Variants in SMARCD1 observed in about 807,000 individuals in gnomAD.
The protein encoded by SMARCD1 is SWI/SNF-related matrix-associated actin-dependent regulator of chromatin subfamily D member 1.
Under a neutral mutation model 70.8 loss-of-function variants are expected in SMARCD1, and 16 were observed. The ratio of observed to expected loss-of-function variants is 0.23; its 90% CI spans 0.15 to 0.34. The LOEUF is 0.34. SMARCD1 is among the 10% of genes least tolerant of loss of function. The pLI is 1.00. For missense variants in SMARCD1, 409 were observed against 655.5 expected, an observed-to-expected ratio of 0.62 and a Z score of 4.11; for synonymous variants, 249 against 246.0, an observed-to-expected ratio of 1.01 and a Z score of -0.11.
In SMARCD1 at chr12:50,099,218, T is replaced by G. The variant is rs186146463; in HGVS notation, c.*218T>G. ...CCAGCTTCCCTTTGCCCCACAAAGT[T>G]CCCATGTGCCTGTACCCTCCCCTGG... On this transcript the variant is annotated 3_prime_UTR_variant, in exon 13 of 13. Coordinates refer to ENST00000394963, the MANE Select transcript of SMARCD1 (RefSeq NM_003076.5). The G allele has an allele frequency of 6.4e-3, 3,946 of 617,476 alleles. 26 individuals carry two copies. The highest frequency in any genetic ancestry group is 9.9e-3 in the Non-Finnish European group (3,449 of 346,684). The allele number at this position is 617,476 out of a possible 1,614,324, so 38.2% of individuals were successfully genotyped here.
chr12:50,087,598 G>A, intron 5 of SMARCD1, 113 bp downstream of exon 5: 1 of 1,251,282 alleles, frequency 8.0e-7, no homozygotes, highest in Non-Finnish European at 1.1e-6. Flanking sequence ...TTTGGGAGCA[G>A]TAAGGAGAGG....
At position 50,091,699 on chromosome 12, in the gene SMARCD1, C is replaced by G. The variant is rs533144216; in HGVS notation, c.1133+1109C>G. ...TCAAGCAATTCTCCCTCCCCAGCCT[C>G]CCACGTCGCTGGGATTACAGGCACC... On this transcript the variant is annotated intron_variant, in intron 9 of 12. Coordinates refer to ENST00000394963, the MANE Select transcript of SMARCD1 (RefSeq NM_003076.5). Among the ~76,000 whole-genome samples, 16 of 152,308 alleles carry G rather than the reference C, an allele frequency of 1.1e-4. No homozygotes were observed. The South Asian group carries it at 2.1e-3, about 20-fold the overall frequency.
At chr12:50,086,109 T>C (rs1414294036) in intron 1 of SMARCD1, 52 bp from the exon 2 acceptor site, 1 of 1,327,606 alleles carries the variant, frequency 7.5e-7, no homozygotes, top group African/African-American at 1.5e-5. Flanking sequence ...TCTTTCTTGA[T>C]GGGGTTTAGC....
intron 5 of SMARCD1, 67 bp downstream of exon 5, chr12:50,087,552 G>A: frequency 6.4e-7 from 1 of 1,570,726 alleles, no homozygotes; most frequent in Non-Finnish European, 8.7e-7. Context: ...AGTGTTGTCT[G>A]GTCAGCAGGA....
At position 50,089,880 on chromosome 12, in the gene SMARCD1, G is replaced by A; in HGVS notation, c.772-4G>A. ...AGCACCCCCTGACATCTTCCTCTCT[G>A]TAGTGGCACAGGACCGCCACTACCC... On this transcript the variant is annotated splice_region_variant and splice_polypyrimidine_tract_variant and intron_variant, in intron 6 of 12. Coordinates refer to ENST00000394963, the MANE Select transcript of SMARCD1 (RefSeq NM_003076.5). 6.2e-7 allele frequency: 1 copy of A among 1,609,222 alleles called. No individual in the cohort carries two copies. The highest frequency in any genetic ancestry group is 8.5e-7 in the Non-Finnish European group (1 of 1,176,706).
chr12:50,097,365 A>C (rs61498194), intron 11 of SMARCD1, among the ~76,000 whole-genome samples: 5,223 of 152,146 alleles, frequency 0.034, 294 homozygotes, highest in African/African-American at 0.12. Flanking sequence ...AGCCTGGCCA[A>C]CATGGCGAAA....
At chr12:50,093,864 C>T (rs1376875157) in intron 9 of SMARCD1, among the ~76,000 whole-genome samples, 1 of 152,150 alleles carries the variant, frequency 6.6e-6, no homozygotes, top group Non-Finnish European at 1.5e-5. Flanking sequence ...ACTATATCCT[C>T]TGCCTCCCGG....
At chr12:50,091,486 G>A (rs1222205435) in intron 9 of SMARCD1, among the ~76,000 whole-genome samples, 1 of 151,368 alleles carries the variant, frequency 6.6e-6, no homozygotes, top group Admixed American at 6.6e-5. Flanking sequence ...TGTTGGTCAG[G>A]CTGGTCTTGA....
Position 50,086,872 on chromosome 12 carries a change from C to T in SMARCD1, c.525C>T (p.Pro175=). 6.2e-7 allele frequency: 1 copy of T among 1,614,094 alleles called. No individual in the cohort carries two copies. Among genetic ancestry groups the T allele is most frequent in the Non-Finnish European group, 8.5e-7 (1 of 1,179,998 alleles). ...ATATCCAAGAGGCCTTGAAACGTCC[C>T]ATCAAGGTAACACAGGAAAGTACTA... ...RLDIQEALKR[P]IKQKRKLRIF... is the part of the protein sequence containing the mutation. The change falls in exon 4 of 13, where the codon CCC becomes CCT. Residue 175 remains proline, a synonymous_variant. Coordinates refer to ENST00000394963, the MANE Select transcript of SMARCD1 (RefSeq NM_003076.5).
In SMARCD1 at chr12:50,087,504, A is replaced by T; in HGVS notation, c.654+19A>T. ...GGAGGATGTGAGTTCAAGGTCCACA[A>T]TGGTTGGCATCTAGGGTGGGAGCTG... is the stretch of plus-strand genomic sequence containing the variant. On this transcript the variant is annotated intron_variant, in intron 5 of 12. Transcript: ENST00000394963. The T allele has an allele frequency of 6.2e-7, 1 of 1,612,100 alleles. No individual in the cohort carries two copies.
intron 9 of SMARCD1, among the ~76,000 whole-genome samples, chr12:50,091,078 G>A (rs1028649066): frequency 2.6e-5 from 4 of 151,958 alleles, no homozygotes; most frequent in Non-Finnish European, 5.9e-5. Flanking sequence ...GCCGAGCCTC[G>A]TGATCTGCCC....
chr12:50,090,400 CAGGT>C lies in SMARCD1; in HGVS notation c.1035_1035+3del. The C allele has an allele frequency of 6.2e-7, 1 of 1,613,876 alleles. No individual in the cohort carries two copies. Among genetic ancestry groups the C allele is most frequent in the Non-Finnish European group, 8.5e-7 (1 of 1,179,868 alleles). ...TGTCATCTGTGACAAGTACCTGCAGCAGGTAAGTAATGGACCCATTCTTTTGCTA... is the reference window on the plus strand; with the variant it reads ...TGTCATCTGTGACAAGTACCTGCAGCAAGTAATGGACCCATTCTTTTGCTA... On this transcript the variant is annotated splice_donor_variant and coding_sequence_variant, in exon 8 of 13. Coordinates refer to ENST00000394963, the MANE Select transcript of SMARCD1 (RefSeq NM_003076.5). LOFTEE classifies it high-confidence loss of function.
intron 4 of SMARCD1, 92 bp downstream of exon 4, chr12:50,086,970 C>T: frequency 7.8e-7 from 1 of 1,288,334 alleles, no homozygotes; most frequent in Non-Finnish European, 1.1e-6. Flanking sequence ...CACAGCACAA[C>T]TCTCCTTGGC....
chr12:50,089,499 A>G (rs1445243924), intron 6 of SMARCD1: 1 of 170,688 alleles, frequency 5.9e-6, no homozygotes, highest in African/African-American at 2.4e-5. Context: ...CATCTGTAAA[A>G]TAAGTATAAT....
chr12:50,088,550 A>G lies in SMARCD1; in HGVS notation c.684A>G (p.Lys228=), dbSNP rs764489366. ...CCTTGTCCAAATATGATGCCACTAA[A>G]CAAAAGAGGAAGTTCTCTTCCTTTT... ...DSALSKYDAT[K]QKRKFSSFFK... The change falls in exon 6 of 13, where the codon AAA becomes AAG. Residue 228 remains lysine, a synonymous_variant. Coordinates refer to ENST00000394963, the MANE Select transcript of SMARCD1 (RefSeq NM_003076.5). 2.5e-6 allele frequency: 4 copies of G among 1,608,592 alleles called. No individual in the cohort carries two copies. The South Asian group carries it at 3.3e-5, about 13-fold the overall frequency.
chr12:50,092,039 G>A lies in SMARCD1; in HGVS notation c.1133+1449G>A, dbSNP rs180904611. Among the ~76,000 whole-genome samples the A allele has an allele frequency of 3.2e-3, 494 of 152,030 alleles. 2 individuals are homozygous for A. The highest frequency in any genetic ancestry group is 5.0e-3 in the Non-Finnish European group (337 of 67,978). On this transcript the variant is annotated intron_variant, in intron 9 of 12. Coordinates refer to ENST00000394963, the MANE Select transcript of SMARCD1 (RefSeq NM_003076.5). ...TCTGGATGGTACAGCATTCTAGTCC[G>A]AGCCTCCCAATTCCATTACCTCTGT...
At chr12:50,086,413 A>G (rs546315910) in intron 2 of SMARCD1, 65 bp downstream of exon 2, 5 of 1,394,620 alleles carry the variant, frequency 3.6e-6, no homozygotes, top group Non-Finnish European at 4.9e-6. Context: ...TGGTGGGAGT[A>G]CCTGAACCAA....
chr12:50,087,596 C>A, intron 5 of SMARCD1, 111 bp downstream of exon 5: 1 of 1,308,324 alleles, frequency 7.6e-7, no homozygotes. Context: ...CTTTTGGGAG[C>A]AGTAAGGAGA....
In SMARCD1 at chr12:50,095,814, G is replaced by C. The variant is rs181748998; in HGVS notation, c.1270-1036G>C. ...TTTAGTATGCTAGATGCAGCATAGA[G>C]TGCCGAGGACGGGATGTTTTGGGAA... On this transcript the variant is annotated intron_variant, in intron 10 of 12. Coordinates refer to ENST00000394963, the MANE Select transcript of SMARCD1 (RefSeq NM_003076.5). Among the ~76,000 whole-genome samples, 3 of 152,334 alleles carry C rather than the reference G, an allele frequency of 2.0e-5. No individual in the cohort carries two copies. In the East Asian group the frequency reaches 5.8e-4, roughly 29 times the overall value.
Sources: allele counts gnomAD v4.1 joint callset (sites outside exome capture counted in the v4.1 genomes callset), GRCh38; gene constraint gnomAD v4.1.1; transcripts MANE v1.5; gene names NCBI Gene and HGNC (gene_info 2026-07-23, HGNC 2026-07-21).